ZBBX: variants seen among roughly 807,000 people sequenced by gnomAD.
ZBBX encodes zinc finger B-box domain-containing protein 1.
A neutral mutation model predicts 108.5 loss-of-function variants in ZBBX; 101 were observed. The ratio of observed to expected loss-of-function variants is 0.93; its 90% CI spans 0.79 to 1.10. ZBBX has a LOEUF of 1.10. Ranked by LOEUF, ZBBX falls within the 50% of genes least tolerant of loss-of-function variation. ZBBX has a pLI of 0.00. For missense variants in ZBBX, 1,009 were observed against 941.4 expected, an observed-to-expected ratio of 1.07 and a Z score of -0.94; for synonymous variants, 356 against 323.4, an observed-to-expected ratio of 1.10 and a Z score of -1.08.
chr3:167,367,705 A>G (rs1244024915), intron 5 of ZBBX, among the ~76,000 whole-genome samples: 1 of 151,448 alleles, frequency 6.6e-6, no homozygotes, highest in African/African-American at 2.4e-5. Context: ...TGTGGAGAAA[A>G]TTTTTAGTCA....
intron 20 of ZBBX, among the ~76,000 whole-genome samples, chr3:167,281,403 A>G (rs1728790538): frequency 6.6e-6 from 1 of 152,176 alleles, no homozygotes; most frequent in Non-Finnish European, 1.5e-5. Context: ...TGTATAATTT[A>G]TAGAACAATA....
chr3:167,352,798 C>A (rs1323148821), intron 8 of ZBBX, among the ~76,000 whole-genome samples: 5 of 150,616 alleles, frequency 3.3e-5, no homozygotes, highest in East Asian at 1.9e-4. Context: ...TGGGTTTTAT[C>A]CAGGGGATGG....
the ZBBX span, among the ~76,000 whole-genome samples, chr3:167,215,789 G>T: frequency 1.4e-4 from 22 of 152,070 alleles, no homozygotes; most frequent in Non-Finnish European, 2.1e-4. Context: ...CCATGATCAA[G>T]TAGGCTTCAT....
At chr3:167,239,091 T>C (rs907464097), downstream of ZBBX, among the ~76,000 whole-genome samples, 11 of 152,056 alleles carry the variant, frequency 7.2e-5, no homozygotes, top group Non-Finnish European at 1.3e-4. Flanking sequence ...AAGTCCAAAA[T>C]CCACAGGGCT....
intron 17 of ZBBX, among the ~76,000 whole-genome samples, chr3:167,301,622 G>A (rs928514173): frequency 6.6e-6 from 1 of 152,080 alleles, no homozygotes; most frequent in Non-Finnish European, 1.5e-5. Context: ...CTTACATTCA[G>A]TTCTAAATAT....
chr3:167,318,833 T>C (rs77785127), intron 12 of ZBBX, among the ~76,000 whole-genome samples: 7,772 of 151,844 alleles, frequency 0.051, 543 homozygotes, highest in African/African-American at 0.16. Context: ...AAAAAATATA[T>C]ACAGCCTGGA....
intron 1 of ZBBX, among the ~76,000 whole-genome samples, chr3:167,405,829 T>C (rs1336244391): frequency 6.6e-6 from 1 of 152,182 alleles, no homozygotes; most frequent in Non-Finnish European, 1.5e-5. Context: ...CCCAGCACTT[T>C]GTGAGGCTGA....
the ZBBX span, among the ~76,000 whole-genome samples, chr3:167,200,804 A>G: frequency 1.3e-5 from 2 of 152,174 alleles, no homozygotes; most frequent in Non-Finnish European, 2.9e-5. Context: ...TAGACAAAGT[A>G]TGTGCCATCA....
At chr3:167,407,462 G>A (rs1042738120) in intron 1 of ZBBX, among the ~76,000 whole-genome samples, 3 of 151,884 alleles carry the variant, frequency 2.0e-5, no homozygotes, top group African/African-American at 4.8e-5. Flanking sequence ...CCAATCCCTC[G>A]CACAGTCAAA....
chr3:167,243,842 C>G (rs529576911), intron 20 of ZBBX, among the ~76,000 whole-genome samples: 2 of 143,230 alleles, frequency 1.4e-5, no homozygotes, highest in Non-Finnish European at 3.0e-5. Flanking sequence ...TCAGATTATT[C>G]CCACTGAAAA....
intron 18 of ZBBX, among the ~76,000 whole-genome samples, chr3:167,297,370 C>T (rs1183955883): frequency 6.6e-6 from 1 of 151,866 alleles, no homozygotes; most frequent in East Asian, 1.9e-4. Flanking sequence ...CCTTTGATAC[C>T]ATGTACAAAA....
Position 167,276,668 on chromosome 3 carries a change from C to T in ZBBX, c.2254+5570G>A, listed in dbSNP as rs141185536. ...GAACGGAACCAAGTTGGAAAACACC[C>T]TGCAGGATATTATCCAGGAGAACTT... On this transcript the variant is annotated intron_variant, in intron 20 of 21. Transcript: ENST00000675490. Among the ~76,000 whole-genome samples the T allele has an allele frequency of 3.8e-4, 58 of 152,300 alleles. 1 individual carries two copies. The East Asian group carries it at 0.011, about 29-fold the overall frequency.
At chr3:167,375,001 C>A (rs1577122452) in intron 2 of ZBBX, among the ~76,000 whole-genome samples, 1 of 152,210 alleles carries the variant, frequency 6.6e-6, no homozygotes, top group East Asian at 1.9e-4. Flanking sequence ...GGCTGAGGCC[C>A]AATAATGAGT....
At chr3:167,289,445 C>T (rs974190659) in intron 18 of ZBBX, among the ~76,000 whole-genome samples, 1 of 152,192 alleles carries the variant, frequency 6.6e-6, no homozygotes, top group Non-Finnish European at 1.5e-5. Flanking sequence ...ACTGGTTGTA[C>T]AGTGGGTGCA....
intron 2 of ZBBX, among the ~76,000 whole-genome samples, chr3:167,377,856 A>T (rs1367224069): frequency 6.6e-6 from 1 of 152,106 alleles, no homozygotes; most frequent in Non-Finnish European, 1.5e-5. Flanking sequence ...CCCAAATCTC[A>T]TCTTGAATTG....
chr3:167,381,913 G>A (rs1350522224), upstream of ZBBX, among the ~76,000 whole-genome samples: 2 of 152,200 alleles, frequency 1.3e-5, no homozygotes, highest in Admixed American at 1.3e-4. Context: ...TTTTAGGGTA[G>A]ATGGCCAGGG....
At chr3:167,256,986 C>T (rs960242730) in intron 20 of ZBBX, among the ~76,000 whole-genome samples, 2 of 152,086 alleles carry the variant, frequency 1.3e-5, no homozygotes, top group African/African-American at 4.8e-5. Flanking sequence ...TGGGTATACA[C>T]CCAGCAGTGG....
At chr3:167,357,907 T>C (rs1403161272) in intron 8 of ZBBX, among the ~76,000 whole-genome samples, 1 of 152,060 alleles carries the variant, frequency 6.6e-6, no homozygotes. Flanking sequence ...ATCATCATTC[T>C]CAGTAAACTA....
At chr3:167,269,262 G>A (rs994554626) in intron 20 of ZBBX, among the ~76,000 whole-genome samples, 1 of 152,206 alleles carries the variant, frequency 6.6e-6, no homozygotes, top group Admixed American at 6.5e-5. Flanking sequence ...GACATTGCCT[G>A]CTCTTCAGAA....
Sources: allele counts gnomAD v4.1 joint callset (sites outside exome capture counted in the v4.1 genomes callset), GRCh38; gene constraint gnomAD v4.1.1; transcripts MANE v1.5; gene names NCBI Gene and HGNC (gene_info 2026-07-23, HGNC 2026-07-21).